The following ADCY2 variants were observed in gnomAD, a reference collection of about 807,000 sequenced individuals.
ADCY2 encodes adenylate cyclase type 2.
Under a neutral mutation model 125.2 loss-of-function variants are expected in ADCY2, and 31 were observed. That is an observed-to-expected ratio of 0.25 (90% CI 0.19 to 0.33). The LOEUF (loss-of-function observed/expected upper bound fraction) is 0.33, where lower values mean the gene tolerates loss of function less well. Among genes scored for constraint, ADCY2 ranks in the 10% least tolerant of loss-of-function variants. The pLI is 1.00. For synonymous variants in ADCY2, 512 were observed against 548.4 expected (o/e 0.93, Z 0.93); for missense variants, 904 against 1,418.2 (o/e 0.64, Z 5.82).
rs575741469 is a variant in ADCY2 at position 7,732,941 on chromosome 5, C to T, written c.1871+5680C>T. Among the ~76,000 whole-genome samples, 9 of 152,316 alleles carry T rather than the reference C, an allele frequency of 5.9e-5. No homozygotes were observed. The South Asian group carries it at 1.9e-3, about 32-fold the overall frequency. ...GTTGACTCCTCTTTTTGGAGCTGCT[C>T]TCTCACTCTGTCTGCCCTGTAGTAT... On this transcript the variant is annotated intron_variant, in intron 14 of 24. Transcript: ENST00000338316.
At position 7,746,730 on chromosome 5, in the gene ADCY2, C is replaced by T. The variant is rs147935705; in HGVS notation, c.1956+2978C>T. On this transcript the variant is annotated intron_variant, in intron 15 of 24. Transcript: ENST00000338316. The stretch of plus-strand genomic sequence containing the variant: ...ACGTATGGTAACTTTCTGAAAACTT[C>T]GATGCCAAAGACAGTATTTGTGCTC... Among the ~76,000 whole-genome samples, 319 of 152,290 alleles carry T rather than the reference C, an allele frequency of 2.1e-3. 3 individuals are homozygous for T. Among genetic ancestry groups the T allele is most frequent in the African/African-American group, 7.3e-3 (305 of 41,548 alleles).
intron 16 of ADCY2, among the ~76,000 whole-genome samples, 155 bp from the exon 17 acceptor site, chr5:7,766,532 A>G (rs1162100828): frequency 1.3e-5 from 2 of 152,222 alleles, no homozygotes; most frequent in African/African-American, 4.8e-5. Context: ...AGAACAATAA[A>G]TTGTTAATTA....
At chr5:7,534,653 A>T (rs1734759460) in intron 3 of ADCY2, among the ~76,000 whole-genome samples, 1 of 152,220 alleles carries the variant, frequency 6.6e-6, no homozygotes, top group African/African-American at 2.4e-5. Context: ...GGACTCATGC[A>T]GCTCAGCCTG....
At chr5:7,509,717 T>G (rs374199693) in intron 2 of ADCY2, among the ~76,000 whole-genome samples, 1 of 152,196 alleles carries the variant, frequency 6.6e-6, no homozygotes, top group Non-Finnish European at 1.5e-5. Flanking sequence ...ATATAACATT[T>G]AAAGAAATAT....
intron 4 of ADCY2, among the ~76,000 whole-genome samples, chr5:7,635,595 A>C (rs1330945745): frequency 6.6e-6 from 1 of 152,156 alleles, no homozygotes; most frequent in African/African-American, 2.4e-5. Flanking sequence ...CAAGATGCCA[A>C]GCAGCAGCTG....
chr5:7,792,310 GCTTGAA>G (rs1221314331), intron 20 of ADCY2, among the ~76,000 whole-genome samples: 3 of 151,880 alleles, frequency 2.0e-5, no homozygotes, highest in Non-Finnish European at 4.4e-5. Flanking sequence ...CAGGAGAATT[GCTTGAA>G]CCTGGAGGTG....
chr5:7,766,682 T>C lies in ADCY2; in HGVS notation c.2095-5T>C. On this transcript the variant is annotated splice_polypyrimidine_tract_variant and splice_region_variant and intron_variant, in intron 16 of 24. Transcript: ENST00000338316. ...AATTCATTGAAAAAAACCTTCTCTT[T>C]GCAGTTTTTCCTGAGTGACTCAGAG... The C allele has an allele frequency of 1.2e-6, 2 of 1,609,952 alleles. No homozygotes were observed. The highest frequency in any genetic ancestry group is 2.7e-5 in the African/African-American group (2 of 74,792).
chr5:7,814,122 T>C (rs1334423697), intron 22 of ADCY2, among the ~76,000 whole-genome samples: 1 of 152,234 alleles, frequency 6.6e-6, no homozygotes, highest in African/African-American at 2.4e-5. Flanking sequence ...GTCAACTTTG[T>C]AGCTCCAATT....
At chr5:7,754,036 A>G (rs1742910517) in intron 15 of ADCY2, among the ~76,000 whole-genome samples, 1 of 152,158 alleles carries the variant, frequency 6.6e-6, no homozygotes, top group Non-Finnish European at 1.5e-5. Context: ...TGAATAATTG[A>G]ACCAAGCGCA....
intron 2 of ADCY2, among the ~76,000 whole-genome samples, chr5:7,417,632 G>T (rs557907083): frequency 6.6e-6 from 1 of 152,258 alleles, no homozygotes; most frequent in East Asian, 1.9e-4. Context: ...TGTCTGTCTG[G>T]AATGTTCTTG....
At chr5:7,555,361 T>C (rs1429416350) in intron 3 of ADCY2, among the ~76,000 whole-genome samples, 2 of 152,206 alleles carry the variant, frequency 1.3e-5, no homozygotes, top group East Asian at 1.9e-4. Flanking sequence ...TGGCACTTGA[T>C]ATTTATGTTT....
At chr5:7,763,156 G>C (rs1487553540) in intron 16 of ADCY2, among the ~76,000 whole-genome samples, 2 of 151,816 alleles carry the variant, frequency 1.3e-5, no homozygotes, top group Non-Finnish European at 1.5e-5. Context: ...TGCAGTGGCG[G>C]GATCTCGGCT....
At chr5:7,784,652 CA>C (rs1744028624) in intron 19 of ADCY2, among the ~76,000 whole-genome samples, 1 of 151,736 alleles carries the variant, frequency 6.6e-6, no homozygotes, top group South Asian at 2.1e-4. Flanking sequence ...GTATTTTCCA[CA>C]AAAGGCAAAT....
intron 1 of ADCY2, among the ~76,000 whole-genome samples, chr5:7,407,608 A>G (rs1011500885): frequency 3.5e-4 from 53 of 152,130 alleles, no homozygotes; most frequent in African/African-American, 1.2e-3. Context: ...CAGCTTGGTG[A>G]AAAGGTCGAT....
intron 1 of ADCY2, among the ~76,000 whole-genome samples, chr5:7,412,478 G>A (rs1739762560): frequency 6.6e-6 from 1 of 152,144 alleles, no homozygotes; most frequent in South Asian, 2.1e-4. Context: ...CATGTCCCAC[G>A]TGTCCGTTTG....
intron 3 of ADCY2, among the ~76,000 whole-genome samples, chr5:7,562,832 A>G (rs991371613): frequency 6.6e-6 from 1 of 152,196 alleles, no homozygotes; most frequent in African/African-American, 2.4e-5. Flanking sequence ...CTGGGACTCC[A>G]TTAATAAGTC....
intron 2 of ADCY2, among the ~76,000 whole-genome samples, chr5:7,461,792 C>T (rs1326475960): frequency 6.6e-6 from 1 of 152,210 alleles, no homozygotes; most frequent in African/African-American, 2.4e-5. Context: ...GTCCAAGCAA[C>T]TTTAAAAATG....
intron 4 of ADCY2, among the ~76,000 whole-genome samples, chr5:7,648,187 G>T (rs999563368): frequency 2.0e-5 from 3 of 151,766 alleles, no homozygotes; most frequent in African/African-American, 7.3e-5. Flanking sequence ...CTCCAATTTT[G>T]ACTGTAATTT....
chr5:7,559,364 G>A (rs148463344), intron 3 of ADCY2, among the ~76,000 whole-genome samples: 1 of 152,188 alleles, frequency 6.6e-6, no homozygotes, highest in African/African-American at 2.4e-5. Context: ...GCAGTATTTT[G>A]TAGTTCTCCT....
Sources: gnomAD v4.1 joint callset for allele counts (sites outside exome capture counted in the v4.1 genomes callset) on GRCh38, gnomAD v4.1.1 for gene constraint, MANE v1.5 for transcripts, NCBI Gene and HGNC (gene_info 2026-07-23, HGNC 2026-07-21) for gene names.